Variants in RFFL observed in about 807,000 individuals in gnomAD.
RFFL encodes the protein E3 ubiquitin-protein ligase rififylin.
In RFFL, 16 loss-of-function variants were observed where a neutral mutation model predicts 40.4. The ratio of observed to expected loss-of-function variants is 0.40; its 90% CI spans 0.27 to 0.60. The LOEUF (loss-of-function observed/expected upper bound fraction) is 0.60, where lower values mean the gene tolerates loss of function less well. RFFL is among the 20% of genes least tolerant of loss of function. RFFL has a pLI of 0.47. For missense variants in RFFL, 367 were observed against 451.7 expected (o/e 0.81, Z 1.70); for synonymous variants, 154 against 167.9 (o/e 0.92, Z 0.64).
rs1279434045 is a variant in RFFL, at chr17:35,012,163, CAG to C, written c.911-16_911-15del. 3.6e-5 allele frequency: 58 copies of C among 1,606,646 alleles called. No individual in the cohort carries two copies. Among genetic ancestry groups the C allele is most frequent in the Non-Finnish European group, 4.7e-5 (55 of 1,176,830 alleles). ...GTACTGCTCCCCCTGTACAAACACA[CAG>C]GGCAGAAAAAAAGGGGCAGAGGAGT... On this transcript the variant is annotated splice_polypyrimidine_tract_variant and intron_variant, in intron 6 of 6. Coordinates refer to ENST00000394597, the MANE Select transcript of RFFL (RefSeq NM_001017368.2).
chr17:35,049,228 C>CT (rs2091217977), intron 1 of RFFL, among the ~76,000 whole-genome samples: 1 of 152,160 alleles, frequency 6.6e-6, no homozygotes, highest in Non-Finnish European at 1.5e-5. Context: ...TATGCTGCTA[C>CT]TTTACCCTTT....
chr17:35,035,799 G>T (rs1454206522), intron 1 of RFFL, among the ~76,000 whole-genome samples: 1 of 151,914 alleles, frequency 6.6e-6, no homozygotes, highest in Non-Finnish European at 1.5e-5. Context: ...CATCTCCAGG[G>T]TTCAAGCGAT....
chr17:35,073,326 C>T (rs1380521345), intron 1 of RFFL, among the ~76,000 whole-genome samples: 1 of 152,156 alleles, frequency 6.6e-6, no homozygotes, highest in African/African-American at 2.4e-5. Flanking sequence ...AATGAATGAA[C>T]TCTCACTGCA....
chr17:35,034,737 C>T (rs539204504), intron 1 of RFFL, among the ~76,000 whole-genome samples: 1 of 151,962 alleles, frequency 6.6e-6, no homozygotes, highest in South Asian at 2.1e-4. Flanking sequence ...TGTTGGCCAG[C>T]CTCATCTCAA....
At chr17:35,077,952 G>C (rs894371202) in intron 1 of RFFL, among the ~76,000 whole-genome samples, 1 of 152,178 alleles carries the variant, frequency 6.6e-6, no homozygotes, top group African/African-American at 2.4e-5. Context: ...GGATATCCTA[G>C]TTAAGTCTGA....
At chr17:35,064,347 C>T (rs780645097), upstream of RFFL, among the ~76,000 whole-genome samples, 11 of 152,062 alleles carry the variant, frequency 7.2e-5, no homozygotes, top group South Asian at 2.1e-4. Flanking sequence ...CATTTACCAT[C>T]ACACCTACTG....
At chr17:35,049,883 A>G (rs2142355481) in intron 1 of RFFL, among the ~76,000 whole-genome samples, 1 of 152,182 alleles carries the variant, frequency 6.6e-6, no homozygotes, top group South Asian at 2.1e-4. Flanking sequence ...GGAGTTTGAG[A>G]CCAGCCTGGC....
chr17:35,026,677 G>A lies in RFFL; in HGVS notation c.-8-116C>T, dbSNP rs538169832. ...CTCAATGCACGCATGCCACCAAGGT[G>A]GAGGGGAGGATGTGTTTTCAAACAG... On this transcript the variant is annotated intron_variant, in intron 1 of 6. Transcript: ENST00000394597. 18 of 745,930 alleles carry A rather than the reference G, an allele frequency of 2.4e-5. No homozygotes were observed. In the East Asian group the frequency reaches 3.7e-4, roughly 15 times the overall value. The allele number at this position is 745,930 out of a possible 1,614,324, so 46.2% of individuals were successfully genotyped here. A position where few individuals can be genotyped will look rare whatever the true frequency, so the allele number is the denominator to read the frequency against.
chr17:35,006,302 T>C lies in RFFL; in HGVS notation c.*5666A>G, dbSNP rs2090894881. The C allele has an allele frequency of 3.2e-5, 5 of 155,008 alleles. No individual in the cohort carries two copies. Among genetic ancestry groups the C allele is most frequent in the African/African-American group, 9.6e-5 (4 of 41,482 alleles). 9.6% of individuals were successfully genotyped at this position (155,008 alleles called of 1,614,324 possible). On this transcript the variant is annotated 3_prime_UTR_variant, in exon 7 of 7. Coordinates refer to ENST00000394597, the MANE Select transcript of RFFL (RefSeq NM_001017368.2). ...CACAACTAAGGAACTGAAGTTCTTA[T>C]TTTAATTCAACTTCAAATGGTCACA...
chr17:35,083,003 C>G (rs2091410001), intron 1 of RFFL, among the ~76,000 whole-genome samples: 1 of 152,186 alleles, frequency 6.6e-6, no homozygotes, highest in African/African-American at 2.4e-5. Flanking sequence ...TATTCTTCCT[C>G]CCATGAACTC....
chr17:35,031,258 T>C (rs2091081272), intron 1 of RFFL, among the ~76,000 whole-genome samples: 1 of 151,778 alleles, frequency 6.6e-6, no homozygotes. Context: ...AGGCGCCTGC[T>C]ACCATGCCTG....
At chr17:35,071,209 A>C (rs762654749) in intron 1 of RFFL, among the ~76,000 whole-genome samples, 24 of 152,030 alleles carry the variant, frequency 1.6e-4, no homozygotes, top group Non-Finnish European at 3.1e-4. Context: ...AAAAAAAAAA[A>C]AAAACAAAAA....
At chr17:35,046,731 G>C (rs2091202236) in intron 1 of RFFL, among the ~76,000 whole-genome samples, 1 of 152,166 alleles carries the variant, frequency 6.6e-6, no homozygotes, top group South Asian at 2.1e-4. Flanking sequence ...TCTGCAGAGG[G>C]ACCTCAGCAT....
intron 1 of RFFL, among the ~76,000 whole-genome samples, chr17:35,045,232 CT>C (rs1051176072): frequency 2.7e-5 from 4 of 148,598 alleles, no homozygotes; most frequent in Non-Finnish European, 6.0e-5. Flanking sequence ...TTGTATAATT[CT>C]TTTTTTTTTC....
intron 1 of RFFL, among the ~76,000 whole-genome samples, chr17:35,062,132 C>T (rs995051206): frequency 2.6e-5 from 4 of 151,854 alleles, no homozygotes; most frequent in East Asian, 2.0e-4. Flanking sequence ...AGGCCGGGCG[C>T]GGTGGCTCAC....
At chr17:35,081,980 T>TA (rs1597846514) in intron 1 of RFFL, among the ~76,000 whole-genome samples, 1 of 151,402 alleles carries the variant, frequency 6.6e-6, no homozygotes, top group South Asian at 2.1e-4. Flanking sequence ...GGTTTAGATG[T>TA]AAAAATTCAA....
intron 1 of RFFL, among the ~76,000 whole-genome samples, chr17:35,055,305 C>A (rs774657275): frequency 6.6e-6 from 1 of 152,108 alleles, no homozygotes; most frequent in Non-Finnish European, 1.5e-5. Flanking sequence ...CCCATGCACC[C>A]AAAACCTACC....
intron 1 of RFFL, among the ~76,000 whole-genome samples, chr17:35,073,312 C>G (rs1230323468): frequency 6.6e-6 from 1 of 152,112 alleles, no homozygotes; most frequent in Non-Finnish European, 1.5e-5. Context: ...AGTAACTAGT[C>G]CAGAATGAAT....
intron 1 of RFFL, among the ~76,000 whole-genome samples, chr17:35,028,055 C>T (rs1203757713): frequency 6.6e-6 from 1 of 150,910 alleles, no homozygotes; most frequent in Admixed American, 6.6e-5. Flanking sequence ...GAAGCGTTGG[C>T]CAGGTGTGGT....
Sources: gnomAD v4.1 joint callset for allele counts (sites outside exome capture counted in the v4.1 genomes callset) on GRCh38, gnomAD v4.1.1 for gene constraint, MANE v1.5 for transcripts, NCBI Gene and HGNC (gene_info 2026-07-23, HGNC 2026-07-21) for gene names.